GUCA1C: variants seen among roughly 807,000 people sequenced by gnomAD.
GUCA1C encodes guanylate cyclase activator 1C, also known as guanylyl cyclase-activating protein 3.
A neutral mutation model predicts 16.2 loss-of-function variants in GUCA1C; 15 were observed. The observed-to-expected ratio is 0.93, with a 90% CI of 0.62 to 1.43. The LOEUF is 1.43. Ranked by LOEUF, GUCA1C falls within the 40% of genes most tolerant of loss-of-function variation. The pLI, the probability that GUCA1C is intolerant of heterozygous loss-of-function variation, is 0.00. For missense variants in GUCA1C, 275 were observed against 244.8 expected, an observed-to-expected ratio of 1.12 and a Z score of -0.82; for synonymous variants, 78 against 85.4, an observed-to-expected ratio of 0.91 and a Z score of 0.48.
At chr3:108,921,220 T>C (rs574883943) in intron 1 of GUCA1C, among the ~76,000 whole-genome samples, 3 of 152,268 alleles carry the variant, frequency 2.0e-5, no homozygotes, top group Admixed American at 1.3e-4. Context: ...CAGGTTGGCG[T>C]CTTTCACTTA....
At chr3:108,920,962 T>C (rs1316393006) in intron 1 of GUCA1C, among the ~76,000 whole-genome samples, 4 of 152,174 alleles carry the variant, frequency 2.6e-5, no homozygotes, top group Admixed American at 6.5e-5. Context: ...CCAAAGTCCA[T>C]AGTTTACATT....
intron 3 of GUCA1C, among the ~76,000 whole-genome samples, chr3:108,915,009 TAAGAG>T (rs1356220387): frequency 1.3e-5 from 2 of 152,170 alleles, no homozygotes; most frequent in Non-Finnish European, 2.9e-5. Context: ...CCGAGGTGCT[TAAGAG>T]AAGAAGATTG....
chr3:108,919,948 A>G (rs537661020), intron 2 of GUCA1C, among the ~76,000 whole-genome samples: 10 of 152,262 alleles, frequency 6.6e-5, no homozygotes, highest in Middle Eastern at 3.4e-3. Flanking sequence ...GTGGTGGTAC[A>G]GTGGCTTATA....
chr3:108,922,836 C>T (rs898200971), intron 1 of GUCA1C, among the ~76,000 whole-genome samples: 1 of 152,104 alleles, frequency 6.6e-6, no homozygotes. Context: ...CCCTACCCGC[C>T]GACAGGCCCC....
At chr3:108,913,229 A>AT (rs1387335827) in intron 3 of GUCA1C, among the ~76,000 whole-genome samples, 70 of 91,426 alleles carry the variant, frequency 7.7e-4, no homozygotes, top group Admixed American at 2.2e-3. Context: ...TTTGAGAAAT[A>AT]AATATATATA....
chr3:108,951,208 T>C (rs1946893148), intron 1 of GUCA1C, among the ~76,000 whole-genome samples: 1 of 152,086 alleles, frequency 6.6e-6, no homozygotes, highest in Admixed American at 6.6e-5. Flanking sequence ...AGTCTGGAGA[T>C]TCATCACACA....
chr3:108,926,293 C>A (rs537578144), intron 1 of GUCA1C, among the ~76,000 whole-genome samples: 1 of 152,256 alleles, frequency 6.6e-6, no homozygotes, highest in South Asian at 2.1e-4. Flanking sequence ...TTTTCCACCC[C>A]CTTACCTTAA....
At chr3:108,939,324 C>CTTTGTTTTTTTTTTTTTTTTTTT (rs1946761309) in intron 1 of GUCA1C, among the ~76,000 whole-genome samples, 1 of 32,912 alleles carries the variant, frequency 3.0e-5, no homozygotes, top group Non-Finnish European at 6.0e-5. Flanking sequence ...TGCTTCAAGG[C>CTTTGTTTTTTTTTTTTTTTTTTT]TTTTTTTTTT....
At chr3:108,953,518 C>G (rs768692138) in intron 1 of GUCA1C, 41 bp downstream of exon 1, 1 of 1,335,020 alleles carries the variant, frequency 7.5e-7, no homozygotes, top group Admixed American at 1.7e-5. Context: ...GAGTGCAGAA[C>G]CACAGCATTT....
intron 1 of GUCA1C, among the ~76,000 whole-genome samples, chr3:108,943,073 A>T (rs1395667015): frequency 1.3e-5 from 2 of 152,224 alleles, no homozygotes; most frequent in Non-Finnish European, 1.5e-5. Flanking sequence ...TTTAGGATTC[A>T]GAGCATAAAG....
chr3:108,954,108 T>A (rs971865861), upstream of GUCA1C, among the ~76,000 whole-genome samples: 2 of 152,204 alleles, frequency 1.3e-5, no homozygotes, highest in Non-Finnish European at 2.9e-5. Context: ...GTGGGTCTAA[T>A]GGCAGGAACT....
chr3:108,940,964 A>G (rs1395779602), intron 1 of GUCA1C, among the ~76,000 whole-genome samples: 1 of 152,256 alleles, frequency 6.6e-6, no homozygotes, highest in Non-Finnish European at 1.5e-5. Context: ...GAGTGGGGAC[A>G]GGAGGCCAGA....
At chr3:108,933,673 A>G (rs1166226045) in intron 1 of GUCA1C, among the ~76,000 whole-genome samples, 2 of 152,206 alleles carry the variant, frequency 1.3e-5, no homozygotes, top group Non-Finnish European at 2.9e-5. Context: ...TAAAAAGTTA[A>G]AAAACAGTAG....
intron 1 of GUCA1C, among the ~76,000 whole-genome samples, chr3:108,946,464 G>A (rs548577990): frequency 6.0e-4 from 91 of 152,200 alleles, no homozygotes; most frequent in Non-Finnish European, 1.1e-3. Flanking sequence ...CTGCATAGCC[G>A]TGGCATACCA....
intron 3 of GUCA1C, among the ~76,000 whole-genome samples, chr3:108,910,988 T>C (rs1946447221): frequency 1.3e-5 from 2 of 152,246 alleles, no homozygotes; most frequent in Non-Finnish European, 1.5e-5. Context: ...TTCAGAAACT[T>C]CACGATTTTA....
chr3:108,940,320 G>A (rs1179659809), intron 1 of GUCA1C, among the ~76,000 whole-genome samples: 1 of 152,202 alleles, frequency 6.6e-6, no homozygotes, highest in Non-Finnish European at 1.5e-5. Context: ...GTTATAGGTT[G>A]CAGGGTAGCC....
At chr3:108,926,029 G>C (rs1205422142) in intron 1 of GUCA1C, among the ~76,000 whole-genome samples, 1 of 152,106 alleles carries the variant, frequency 6.6e-6, no homozygotes, top group Non-Finnish European at 1.5e-5. Context: ...AGATGTTGCA[G>C]TGAGCTGAGA....
At chr3:108,922,160 AACACACACACAC>A (rs56788372) in intron 1 of GUCA1C, among the ~76,000 whole-genome samples, 16 of 52,076 alleles carry the variant, frequency 3.1e-4, no homozygotes, top group East Asian at 5.0e-4. Context: ...CACATACACA[AACACACACACAC>A]ACACACACAC....
At chr3:108,950,114 C>T (rs1169989127) in intron 1 of GUCA1C, among the ~76,000 whole-genome samples, 1 of 152,192 alleles carries the variant, frequency 6.6e-6, no homozygotes, top group East Asian at 1.9e-4. Flanking sequence ...CTTTCTTAGG[C>T]TCCACATATC....
Sources: gnomAD v4.1 joint callset for allele counts (sites outside exome capture counted in the v4.1 genomes callset) on GRCh38, gnomAD v4.1.1 for gene constraint, MANE v1.5 for transcripts, NCBI Gene and HGNC (gene_info 2026-07-23, HGNC 2026-07-21) for gene names.